Variants in KIT observed in about 807,000 individuals in gnomAD.
KIT encodes the protein KIT proto-oncogene, receptor tyrosine kinase.
KIT carries 16 observed loss-of-function variants against 105.7 expected under a neutral mutation model. That is an observed-to-expected ratio of 0.15 (90% confidence interval 0.10 to 0.23). The LOEUF (loss-of-function observed/expected upper bound fraction) is 0.23, where lower values mean the gene tolerates loss of function less well. Among genes scored for constraint, KIT ranks in the 10% least tolerant of loss-of-function variants. The pLI, the probability that KIT is intolerant of heterozygous loss-of-function variation, is 1.00. For synonymous variants in KIT, 438 were observed against 441.1 expected (o/e 0.99, Z 0.09); for missense variants, 858 against 1,213.8 (o/e 0.71, Z 4.36).
chr4:54,682,496 T>A (rs1719011189), intron 1 of KIT, among the ~76,000 whole-genome samples: 1 of 152,048 alleles, frequency 6.6e-6, no homozygotes, highest in Non-Finnish European at 1.5e-5. Context: ...TGGCACAGTC[T>A]TGGCTCACTG....
At chr4:54,721,418 T>A (rs1479670043) in intron 7 of KIT, among the ~76,000 whole-genome samples, 1 of 151,642 alleles carries the variant, frequency 6.6e-6, no homozygotes, top group East Asian at 1.9e-4. Flanking sequence ...TTGCCCATGA[T>A]AATTAAATGA....
chr4:54,722,745 A>G (rs1260898729), intron 7 of KIT, among the ~76,000 whole-genome samples: 1 of 150,954 alleles, frequency 6.6e-6, no homozygotes, highest in Admixed American at 6.6e-5. Flanking sequence ...TGGTTATTGT[A>G]GTTACATAGA....
intron 1 of KIT, among the ~76,000 whole-genome samples, chr4:54,658,508 C>T (rs1322368649): frequency 6.6e-6 from 1 of 152,108 alleles, no homozygotes; most frequent in Non-Finnish European, 1.5e-5. Context: ...TGTGTGTGAC[C>T]GGCGCCCGGG....
At chr4:54,707,366 C>G in intron 6 of KIT, 79 bp downstream of exon 6, 1 of 1,040,962 alleles carries the variant, frequency 9.6e-7, no homozygotes, top group Admixed American at 1.8e-5. Context: ...TTTCTGTAAC[C>G]CGTAAATCCA....
intron 1 of KIT, among the ~76,000 whole-genome samples, chr4:54,677,964 G>C (rs1718600801): frequency 6.6e-6 from 1 of 152,206 alleles, no homozygotes; most frequent in Non-Finnish European, 1.5e-5. Context: ...TTTTGATAGA[G>C]GAACTGGTAA....
intron 16 of KIT, 140 bp downstream of exon 16, chr4:54,732,138 C>T: frequency 1.0e-6 from 1 of 973,846 alleles, no homozygotes; most frequent in Non-Finnish European, 1.5e-6. Flanking sequence ...TAACCAAAAG[C>T]AGAGGAAATT....
At chr4:54,724,764 A>T (rs1722112470) in intron 8 of KIT, among the ~76,000 whole-genome samples, 2 of 152,310 alleles carry the variant, frequency 1.3e-5, no homozygotes, top group East Asian at 1.9e-4. Context: ...GCTAAAAAAA[A>T]AAAAAATTGC....
In KIT at chr4:54,732,088, G is replaced by A. The variant is rs2213179; in HGVS notation, c.2361+90G>A. The stretch of plus-strand genomic sequence containing the variant: ...TTTTTTTTGAGAACAGAGCATTTTA[G>A]AGCCATAGTTAAAATGCAGAATGTC... On this transcript the variant is annotated intron_variant, in intron 16 of 20. Coordinates refer to ENST00000288135, the MANE Select transcript of KIT (RefSeq NM_000222.3). 780 of 1,339,610 alleles carry A rather than the reference G, an allele frequency of 5.8e-4. 5 individuals carry two copies. In the Middle Eastern group the frequency reaches 6.6e-3, roughly 11 times the overall value. 83.0% of individuals were successfully genotyped at this position (1,339,610 alleles called of 1,614,324 possible).
chr4:54,661,208 T>C (rs3819386), intron 1 of KIT, among the ~76,000 whole-genome samples: 87,580 of 152,042 alleles, frequency 0.58, 25,569 homozygotes, highest in African/African-American at 0.66. Flanking sequence ...ATGGCTGATG[T>C]CATTGGCTAT....
At chr4:54,737,968 G>C (rs778305908) in intron 20 of KIT, among the ~76,000 whole-genome samples, 15 of 152,070 alleles carry the variant, frequency 9.9e-5, no homozygotes, top group Non-Finnish European at 1.8e-4. Context: ...GATAATTTTT[G>C]GGTTAAAGCT....
chr4:54,719,509 CG>C (rs1721722325), intron 7 of KIT, among the ~76,000 whole-genome samples: 1 of 152,000 alleles, frequency 6.6e-6, no homozygotes, highest in Admixed American at 6.6e-5. Context: ...ACAAGCTGAT[CG>C]GTGTTGTTGG....
intron 1 of KIT, among the ~76,000 whole-genome samples, chr4:54,691,005 C>T (rs1719670691): frequency 6.6e-6 from 1 of 152,038 alleles, no homozygotes; most frequent in African/African-American, 2.4e-5. Flanking sequence ...TTTTTTAAAA[C>T]TCTAGAAGTG....
chr4:54,713,020 G>A (rs952802645), intron 7 of KIT, among the ~76,000 whole-genome samples: 12 of 151,942 alleles, frequency 7.9e-5, no homozygotes, highest in African/African-American at 1.7e-4. Flanking sequence ...TATGAGGTAC[G>A]TCCCAGTTGC....
In KIT at chr4:54,737,182, A is replaced by G. The variant is rs1435319685; in HGVS notation, c.2704A>G (p.Ile902Val). The part of the protein sequence containing the change: ...PEHAPAEMYD[I>V]MKTCWDADPL... ...ATGGCCCTTGTCTTGCAGGTATGACATAATGAAGACTTGCTGGGATGCAGA... is the reference window on the plus strand; with the variant it reads ...ATGGCCCTTGTCTTGCAGGTATGACGTAATGAAGACTTGCTGGGATGCAGA... The change falls in exon 20 of 21, where the codon ATA (isoleucine) becomes GTA (valine). Residue 902 changes from isoleucine (I) to valine (V), a missense_variant. This residue lies in a region of KIT where 105 missense variants were observed against 103.5 expected (regional missense o/e 1.01). Coordinates refer to ENST00000288135, the MANE Select transcript of KIT (RefSeq NM_000222.3). 1.9e-6 allele frequency: 3 copies of G among 1,610,872 alleles called. No homozygotes were observed. Among genetic ancestry groups the G allele is most frequent in the Non-Finnish European group, 2.5e-6 (3 of 1,176,994 alleles).
intron 7 of KIT, among the ~76,000 whole-genome samples, chr4:54,718,650 T>C (rs926540668): frequency 2.6e-5 from 4 of 152,208 alleles, no homozygotes; most frequent in Non-Finnish European, 5.9e-5. Context: ...TCGCCCTTTA[T>C]AGTAAAAGTT....
At chr4:54,678,338 TTCCTTCCTTCCTTCCCTCCCTCCCTCCC>T (rs1429042747) in intron 1 of KIT, among the ~76,000 whole-genome samples, 1 of 96,242 alleles carries the variant, frequency 1.0e-5, no homozygotes, top group Non-Finnish European at 2.0e-5. Flanking sequence ...CCTTCCTTCC[TTCCTTCCTTCCTTCCCTCCCTCCCTCCC>T]TCCCTCCCTC....
chr4:54,708,948 A>G (rs918016010), intron 6 of KIT, among the ~76,000 whole-genome samples: 1 of 152,108 alleles, frequency 6.6e-6, no homozygotes, highest in Non-Finnish European at 1.5e-5. Context: ...AAACCAGGAG[A>G]TGGGGGTGTT....
At chr4:54,696,324 T>C (rs936111753) in intron 2 of KIT, among the ~76,000 whole-genome samples, 2 of 152,156 alleles carry the variant, frequency 1.3e-5, no homozygotes, top group East Asian at 1.9e-4. Flanking sequence ...AAAATAAATA[T>C]GGTAGTTGGA....
rs149172424 is a variant in KIT, at chr4:54,698,342, G to T, written c.396G>T (p.Thr132=). 2 of 1,614,012 alleles carry T rather than the reference G, an allele frequency of 1.2e-6. No homozygotes were observed. The highest frequency in any genetic ancestry group is 2.7e-5 in the African/African-American group (2 of 75,056). ...TGTATGGGAAAGAAGACAACGACAC[G>T]CTGGTCCGCTGTCCTCTCACAGACC... ...RSLYGKEDND[T]LVRCPLTDPE... is the part of the protein sequence containing the mutation. The change falls in exon 3 of 21, where the codon ACG becomes ACT. Residue 132 remains threonine (T), a synonymous_variant. Transcript: ENST00000288135.
Sources: gnomAD v4.1 joint callset for allele counts (sites outside exome capture counted in the v4.1 genomes callset) on GRCh38, gnomAD v4.1.1 for gene constraint, gnomAD v4.1.1 regional missense constraint, MANE v1.5 for transcripts, NCBI Gene and HGNC (gene_info 2026-07-23, HGNC 2026-07-21) for gene names.